Variants in PLA2R1 observed in about 807,000 individuals in gnomAD.
PLA2R1 encodes phospholipase A2 receptor 1.
In PLA2R1, 158 loss-of-function variants were observed where a neutral mutation model predicts 195.9. The ratio of observed to expected loss-of-function variants is 0.81; its 90% CI spans 0.71 to 0.92. The LOEUF is 0.92. Among genes scored for constraint, PLA2R1 ranks in the 40% least tolerant of loss-of-function variants. PLA2R1 has a pLI of 0.00. For synonymous variants in PLA2R1, 586 were observed against 598.2 expected (o/e 0.98, Z 0.30); for missense variants, 1,626 against 1,764.6 (o/e 0.92, Z 1.41).
rs550242970 is a variant in PLA2R1 at position 160,003,475 on chromosome 2, T to C, written c.1834+2177A>G. On this transcript the variant is annotated intron_variant, in intron 11 of 29. Transcript: ENST00000283243. ...AAATAGAAAGTGTCCAAAATAAAAATAGAAAGTGATCAAATTATGTGACCA... is the reference window on the plus strand; with the variant it reads ...AAATAGAAAGTGTCCAAAATAAAAACAGAAAGTGATCAAATTATGTGACCA... Among the ~76,000 whole-genome samples, 3 of 151,902 alleles carry C rather than the reference T, an allele frequency of 2.0e-5. No individual in the cohort carries two copies. In the South Asian group the frequency reaches 6.2e-4, roughly 32 times the overall value.
intron 20 of PLA2R1, among the ~76,000 whole-genome samples, chr2:159,960,959 T>C (rs1014570794): frequency 6.6e-6 from 1 of 152,172 alleles, no homozygotes; most frequent in African/African-American, 2.4e-5. Flanking sequence ...CCATCATTGT[T>C]ATCTCCCAGT....
At position 160,029,020 on chromosome 2, in the gene PLA2R1, G is replaced by C. The variant is rs1464370975; in HGVS notation, c.842-57C>G. ...AAATCCAGTGTTACACATCTTTCTT[G>C]TTCTCCTATTCCTGGATCATGGAGT... On this transcript the variant is annotated intron_variant, in intron 4 of 29. Coordinates refer to ENST00000283243, the MANE Select transcript of PLA2R1 (RefSeq NM_007366.5). The C allele has an allele frequency of 3.3e-6, 3 of 913,706 alleles. No homozygotes were observed. In the African/African-American group the frequency reaches 4.8e-5, roughly 14 times the overall value. 56.6% of individuals were successfully genotyped at this position (913,706 alleles called of 1,614,324 possible).
Position 160,061,970 on chromosome 2 carries a change from C to T in PLA2R1, c.109+325G>A, listed in dbSNP as rs575214897. 2.6e-5 allele frequency among the ~76,000 whole-genome samples: 4 copies of T among 152,142 alleles called. No individual in the cohort carries two copies. The South Asian group carries it at 8.3e-4, about 32-fold the overall frequency. ...GAAAGTTTCCGTTTTGAAACTTCTCCGACACTCCTATCCCGGGCTGGCTCC... is the reference window on the plus strand; with the variant it reads ...GAAAGTTTCCGTTTTGAAACTTCTCTGACACTCCTATCCCGGGCTGGCTCC... On this transcript the variant is annotated intron_variant, in intron 1 of 29. Transcript: ENST00000283243.
chr2:160,005,471 T>A (rs1043800960), intron 11 of PLA2R1, among the ~76,000 whole-genome samples, 181 bp downstream of exon 11: 4 of 148,486 alleles, frequency 2.7e-5, no homozygotes, highest in Non-Finnish European at 6.0e-5. Context: ...AACAAACAAA[T>A]AAAATAAATA....
intron 1 of PLA2R1, among the ~76,000 whole-genome samples, chr2:160,057,631 G>A (rs1695645310): frequency 6.6e-6 from 1 of 152,166 alleles, no homozygotes; most frequent in Non-Finnish European, 1.5e-5. Context: ...CATGCCTTCA[G>A]CACTTTGCTC....
chr2:160,011,812 G>A (rs1184838626), intron 10 of PLA2R1, among the ~76,000 whole-genome samples: 2 of 152,152 alleles, frequency 1.3e-5, no homozygotes, highest in African/African-American at 4.8e-5. Flanking sequence ...CCAAACCTGG[G>A]AGGAGAAAGG....
At chr2:160,061,454 ACTGGGG>A (rs1695944351) in intron 1 of PLA2R1, among the ~76,000 whole-genome samples, 1 of 152,168 alleles carries the variant, frequency 6.6e-6, no homozygotes, top group Non-Finnish European at 1.5e-5. Context: ...TCATGGAGCC[ACTGGGG>A]CTTCTCTCCC....
chr2:159,947,068 C>A (rs535205240), intron 26 of PLA2R1, 151 bp from the exon 27 acceptor site: 10 of 599,502 alleles, frequency 1.7e-5, no homozygotes, highest in South Asian at 1.4e-4. Flanking sequence ...AAAAGTAAAA[C>A]CACATTTTTT....
At chr2:160,056,480 A>G (rs959950263) in intron 1 of PLA2R1, among the ~76,000 whole-genome samples, 2 of 152,224 alleles carry the variant, frequency 1.3e-5, no homozygotes, top group African/African-American at 4.8e-5. Context: ...GTCACTACCA[A>G]GAATAGGTCC....
At chr2:160,003,711 G>A (rs752226924) in intron 11 of PLA2R1, among the ~76,000 whole-genome samples, 62 of 152,168 alleles carry the variant, frequency 4.1e-4, no homozygotes, top group Admixed American at 1.2e-3. Context: ...AACTGATAAT[G>A]CCTCAGTAAG....
chr2:159,931,119 G>GC (rs1163736397), downstream of PLA2R1, among the ~76,000 whole-genome samples: 1 of 152,184 alleles, frequency 6.6e-6, no homozygotes, highest in African/African-American at 2.4e-5. Context: ...GTGAAATAAG[G>GC]CAGTCCAGGC....
intron 12 of PLA2R1, among the ~76,000 whole-genome samples, chr2:159,986,294 G>A (rs1574737967): frequency 6.6e-6 from 1 of 152,162 alleles, no homozygotes; most frequent in Admixed American, 6.5e-5. Context: ...ACTGGTAAGT[G>A]CGATGCAAAT....
intron 3 of PLA2R1, among the ~76,000 whole-genome samples, chr2:160,040,061 A>G (rs1175417026): frequency 6.6e-6 from 1 of 152,080 alleles, no homozygotes; most frequent in Non-Finnish European, 1.5e-5. Flanking sequence ...ATGGAAAAGG[A>G]AAAAGAAGAG....
chr2:160,059,606 T>C (rs1453359398), intron 1 of PLA2R1, among the ~76,000 whole-genome samples: 1 of 152,192 alleles, frequency 6.6e-6, no homozygotes. Flanking sequence ...TTAACTACTA[T>C]ATAATACTGT....
intron 15 of PLA2R1, among the ~76,000 whole-genome samples, chr2:159,977,041 C>T (rs1314818592): frequency 6.6e-6 from 1 of 152,246 alleles, no homozygotes; most frequent in African/African-American, 2.4e-5. Context: ...TTTTCCCCGA[C>T]TATACTTGCA....
At chr2:160,048,985 C>T (rs954713070) in intron 1 of PLA2R1, among the ~76,000 whole-genome samples, 5 of 150,536 alleles carry the variant, frequency 3.3e-5, no homozygotes, top group African/African-American at 7.3e-5. Flanking sequence ...GGACTACAGG[C>T]GCCCGCCACT....
intron 4 of PLA2R1, 37 bp downstream of exon 4, chr2:160,032,922 T>C (rs1693946945): frequency 7.4e-7 from 1 of 1,355,184 alleles, no homozygotes; most frequent in East Asian, 2.3e-5. Flanking sequence ...CCATCTTTTA[T>C]TGTATCAATA....
chr2:160,062,375 AGC>A lies in PLA2R1; in HGVS notation c.27_28del (p.Leu10AlafsTer28). The A allele has an allele frequency of 6.5e-7, 1 of 1,539,754 alleles. No individual in the cohort carries two copies. Among genetic ancestry groups the A allele is most frequent in the Non-Finnish European group, 8.8e-7 (1 of 1,142,564 alleles). On this transcript the variant is annotated frameshift_variant, in exon 1 of 30. Coordinates refer to ENST00000283243, the MANE Select transcript of PLA2R1 (RefSeq NM_007366.5). LOFTEE classifies it high-confidence loss of function. ...GCCCCGCGGCGCCCCCAGCAGCAGC[AGC>A]AGCAGCAGCGACGGCGACAGCAGCA...
intron 28 of PLA2R1, among the ~76,000 whole-genome samples, chr2:159,944,675 C>T (rs1243715059): frequency 2.0e-5 from 3 of 152,122 alleles, no homozygotes; most frequent in African/African-American, 7.2e-5. Flanking sequence ...CTGGGTGACA[C>T]AAGAAAAATC....
Sources: gnomAD v4.1 joint callset for allele counts (sites outside exome capture counted in the v4.1 genomes callset) on GRCh38, gnomAD v4.1.1 for gene constraint, MANE v1.5 for transcripts, NCBI Gene and HGNC (gene_info 2026-07-23, HGNC 2026-07-21) for gene names.